Variants in CASZ1 observed in about 807,000 individuals in gnomAD.
CASZ1 encodes zinc finger protein castor homolog 1.
Under a neutral mutation model 135.2 loss-of-function variants are expected in CASZ1, and 28 were observed. The observed-to-expected ratio is 0.21, with a 90% confidence interval of 0.15 to 0.28. CASZ1 has a LOEUF of 0.28. CASZ1 is among the 10% of genes least tolerant of loss of function. The pLI is 1.00. For synonymous variants in CASZ1, 1,068 were observed against 1,073.4 expected (o/e 0.99, Z 0.10); for missense variants, 2,161 against 2,453.3 (o/e 0.88, Z 2.52).
At position 10,659,917 on chromosome 1, in the gene CASZ1, C is replaced by T; in HGVS notation, c.1125G>A (p.Lys375=). 1.2e-6 allele frequency: 2 copies of T among 1,612,026 alleles called. No homozygotes were observed. Among genetic ancestry groups the T allele is most frequent in the Non-Finnish European group, 8.5e-7 (1 of 1,179,656 alleles). The change falls in exon 6 of 21, where the codon AAG becomes AAA. Residue 375 remains lysine (K), a synonymous_variant. Coordinates refer to ENST00000377022, the MANE Select transcript of CASZ1 (RefSeq NM_001079843.3). ...FKTGKVGRPS[K]YDVRGIQKPG... is the part of the protein sequence containing the mutation. ...GCTTCTGGATGCCCCGGACGTCGTA[C>T]TTGGAAGGGCGCCCCACCTTGCCTG...
intron 1 of CASZ1, among the ~76,000 whole-genome samples, chr1:10,778,072 C>T (rs1005204883): frequency 1.3e-5 from 2 of 151,932 alleles, no homozygotes; most frequent in African/African-American, 4.8e-5. Flanking sequence ...ATCTCACACA[C>T]ACAATCTCAT....
chr1:10,672,683 T>C (rs934672128), intron 4 of CASZ1, among the ~76,000 whole-genome samples: 2 of 152,234 alleles, frequency 1.3e-5, no homozygotes, highest in African/African-American at 4.8e-5. Context: ...AACCATCTAA[T>C]TTGCGTCAGT....
At chr1:10,736,801 G>C (rs114056669) in intron 2 of CASZ1, among the ~76,000 whole-genome samples, 2 of 152,302 alleles carry the variant, frequency 1.3e-5, no homozygotes, top group South Asian at 2.1e-4. Context: ...ACAGCCCCAC[G>C]TGTCCAATCC....
intron 1 of CASZ1, among the ~76,000 whole-genome samples, chr1:10,795,750 G>T (rs1388921828): frequency 6.6e-6 from 1 of 151,884 alleles, no homozygotes; most frequent in Non-Finnish European, 1.5e-5. Flanking sequence ...CACTTGCCGC[G>T]CCTGGAGCAG....
At chr1:10,760,904 C>CACCCACAA (rs1220560087) in intron 1 of CASZ1, 47 bp from the exon 2 acceptor site, 5 of 152,254 alleles carry the variant, frequency 3.3e-5, no homozygotes, top group Non-Finnish European at 2.9e-5. Flanking sequence ...CTACAACCGA[C>CACCCACAA]ACCCACAAAC....
In CASZ1 at chr1:10,723,563, C is replaced by T. The variant is rs867478831; in HGVS notation, c.-76-18019G>A. ...GGGGCAGCACATGCCCTGTTGGACACGGCAAATTTGGGTGGGGTTAGGCCA... is the reference window on the plus strand; with the variant it reads ...GGGGCAGCACATGCCCTGTTGGACATGGCAAATTTGGGTGGGGTTAGGCCA... On this transcript the variant is annotated intron_variant, in intron 2 of 20. Transcript: ENST00000377022. Among the ~76,000 whole-genome samples the T allele has an allele frequency of 9.2e-5, 14 of 152,324 alleles. 1 individual carries two copies. In the South Asian group the frequency reaches 1.2e-3, roughly 14 times the overall value.
At chr1:10,684,687 G>A (rs1461938804) in intron 4 of CASZ1, among the ~76,000 whole-genome samples, 1 of 152,182 alleles carries the variant, frequency 6.6e-6, no homozygotes, top group East Asian at 1.9e-4. Flanking sequence ...GAGACACCAC[G>A]ATGCTGACCA....
At chr1:10,793,352 G>A (rs538964550) in intron 1 of CASZ1, among the ~76,000 whole-genome samples, 24 of 152,202 alleles carry the variant, frequency 1.6e-4, no homozygotes, top group Admixed American at 1.4e-3. Context: ...GCCACAAAGC[G>A]TAAGGCTCCC....
In CASZ1 at chr1:10,726,728, A is replaced by C. The variant is rs1185324890; in HGVS notation, c.-76-21184T>G. Reference sequence around the variant, plus strand: ...AGGGCACCCAGGAAAGGAGACATGAAGATGAGGCCCAGCCAAGGCCGCTCT... The same window carrying C: ...AGGGCACCCAGGAAAGGAGACATGACGATGAGGCCCAGCCAAGGCCGCTCT... On this transcript the variant is annotated intron_variant, in intron 2 of 20. Transcript: ENST00000377022. This position sits in a 1 kb window ranked among gnomAD's most constrained non-coding sequence, Gnocchi z 5.7. 6.6e-6 allele frequency among the ~76,000 whole-genome samples: 1 copy of C among 152,218 alleles called. No homozygotes were observed. The highest frequency in any genetic ancestry group is 1.5e-5 in the Non-Finnish European group (1 of 68,016).
In CASZ1 at chr1:10,788,875, G is replaced by GA. The variant is rs1418478596; in HGVS notation, c.-234+7688dup. Among the ~76,000 whole-genome samples, 1 of 152,234 alleles carries GA rather than the reference G, an allele frequency of 6.6e-6. No individual in the cohort carries two copies. The highest frequency in any genetic ancestry group is 1.5e-5 in the Non-Finnish European group (1 of 68,040). ...ACAGAGGAGCCCACCAGTGGGGACA[G>GA]AGGGGAAGCCAGCAGCCGCTGCCGC... On this transcript the variant is annotated intron_variant, in intron 1 of 20. Coordinates refer to ENST00000377022, the MANE Select transcript of CASZ1 (RefSeq NM_001079843.3). This position sits in a 1 kb window ranked among gnomAD's most constrained non-coding sequence, Gnocchi z 4.1.
chr1:10,658,659 CCT>C, intron 6 of CASZ1, 83 bp from the exon 7 acceptor site: 1 of 1,222,354 alleles, frequency 8.2e-7, no homozygotes, highest in Admixed American at 1.7e-5. Context: ...CAGCCCCTGC[CCT>C]GAGGCCCCAG....
intron 1 of CASZ1, among the ~76,000 whole-genome samples, chr1:10,775,386 A>G (rs1640645088): frequency 6.6e-6 from 1 of 151,436 alleles, no homozygotes; most frequent in African/African-American, 2.4e-5. Flanking sequence ...TTAAAAATTC[A>G]GTTCTCTAGC....
Position 10,643,014 on chromosome 1 carries a change from G to A in CASZ1, c.4021-14C>T, listed in dbSNP as rs1375597660. Reference sequence around the variant, plus strand: ...GCCTGGGGGGCCCTGAAAGGACACGGGGGTCCCTGAGGAAGTGGGGCTGTG... The same window carrying A: ...GCCTGGGGGGCCCTGAAAGGACACGAGGGTCCCTGAGGAAGTGGGGCTGTG... On this transcript the variant is annotated splice_polypyrimidine_tract_variant and intron_variant, in intron 19 of 20. Transcript: ENST00000377022. 17 of 1,610,538 alleles carry A rather than the reference G, an allele frequency of 1.1e-5. No homozygotes were observed. The highest frequency in any genetic ancestry group is 1.4e-5 in the Non-Finnish European group (17 of 1,178,252).
rs907286200 is a variant in CASZ1 at position 10,699,272 on chromosome 1, C to T, written c.-23-5360G>A. Among the ~76,000 whole-genome samples, 10 of 152,334 alleles carry T rather than the reference C, an allele frequency of 6.6e-5. No individual in the cohort carries two copies. Among genetic ancestry groups the T allele is most frequent in the South Asian group, 4.1e-4 (2 of 4,828 alleles). ...ACGGCCCTGAACTGGCCAGGAGGAA[C>T]GCCCTTGTGCCCTGGGAGAGGATCA... On this transcript the variant is annotated intron_variant, in intron 3 of 20. Coordinates refer to ENST00000377022, the MANE Select transcript of CASZ1 (RefSeq NM_001079843.3). The surrounding 1 kb of genome is among the most constrained non-coding windows in gnomAD (Gnocchi z 4.6).
At chr1:10,736,722 G>A (rs1639804411) in intron 2 of CASZ1, among the ~76,000 whole-genome samples, 2 of 152,214 alleles carry the variant, frequency 1.3e-5, no homozygotes, top group South Asian at 2.1e-4. Flanking sequence ...AAATAAGGAC[G>A]AGTGAACCAC....
intron 1 of CASZ1, among the ~76,000 whole-genome samples, chr1:10,782,688 G>A (rs1271014482): frequency 1.3e-5 from 2 of 152,080 alleles, no homozygotes; most frequent in East Asian, 1.9e-4. Flanking sequence ...TGGGTCTAGA[G>A]TTGATTCAGC....
intron 1 of CASZ1, among the ~76,000 whole-genome samples, chr1:10,775,926 C>T (rs1382344891): frequency 2.0e-5 from 3 of 152,166 alleles, no homozygotes; most frequent in Non-Finnish European, 4.4e-5. Context: ...AGTACCCTCC[C>T]GCTGCAGCCT....
rs72858571 is a variant in CASZ1 at position 10,679,778 on chromosome 1, C to G, written c.16+14096G>C. 2.9e-3 allele frequency among the ~76,000 whole-genome samples: 441 copies of G among 152,338 alleles called. 3 individuals carry two copies. The highest frequency in any genetic ancestry group is 0.01 in the African/African-American group (417 of 41,576). ...CCCGAGTGTCACCACAGGGTCCGGC[C>G]CAACCTGGGCTCCAGCTGATTAAGG... On this transcript the variant is annotated intron_variant, in intron 4 of 20. Transcript: ENST00000377022. This position sits in a 1 kb window ranked among gnomAD's most constrained non-coding sequence, Gnocchi z 4.7.
intron 4 of CASZ1, among the ~76,000 whole-genome samples, chr1:10,693,115 A>T (rs181755888): frequency 6.6e-6 from 1 of 152,126 alleles, no homozygotes; most frequent in Non-Finnish European, 1.5e-5. Context: ...GGCCTCCTGG[A>T]GCCCCCGGCC....
Sources: gnomAD v4.1 joint callset for allele counts (sites outside exome capture counted in the v4.1 genomes callset) on GRCh38, gnomAD v4.1.1 for gene constraint, Gnocchi (gnomAD v3.1) non-coding constraint, MANE v1.5 for transcripts, NCBI Gene and HGNC (gene_info 2026-07-23, HGNC 2026-07-21) for gene names.